The following RORA variants were observed in gnomAD, a reference collection of about 807,000 sequenced individuals.
RORA encodes the protein nuclear receptor ROR-alpha.
In RORA, 7 loss-of-function variants were observed where a neutral mutation model predicts 69.5. The ratio of observed to expected loss-of-function variants is 0.10; its 90% CI spans 0.06 to 0.19. The LOEUF is 0.19. RORA is among the 10% of genes least tolerant of loss of function. RORA has a pLI of 1.00. For synonymous variants in RORA, 261 were observed against 240.8 expected, an observed-to-expected ratio of 1.08 and a Z score of -0.78; for missense variants, 457 against 663.0, an observed-to-expected ratio of 0.69 and a Z score of 3.41.
chr15:61,015,028 A>C (rs1290214672), intron 1 of RORA, among the ~76,000 whole-genome samples: 1 of 152,180 alleles, frequency 6.6e-6, no homozygotes, highest in Non-Finnish European at 1.5e-5. Flanking sequence ...CAAGCACCGG[A>C]TCTCTCCTAT....
chr15:60,894,901 G>T (rs376420368), intron 1 of RORA, among the ~76,000 whole-genome samples: 1 of 152,222 alleles, frequency 6.6e-6, no homozygotes, highest in Middle Eastern at 3.4e-3. Flanking sequence ...AAATGAAATC[G>T]CACAGACACC....
intron 1 of RORA, among the ~76,000 whole-genome samples, chr15:60,888,505 T>C (rs533297129): frequency 6.6e-6 from 1 of 152,158 alleles, no homozygotes; most frequent in African/African-American, 2.4e-5. Flanking sequence ...AACACACACA[T>C]GCACACACAC....
chr15:60,546,073 T>C (rs1029735591), intron 2 of RORA, among the ~76,000 whole-genome samples: 1 of 152,214 alleles, frequency 6.6e-6, no homozygotes, highest in Non-Finnish European at 1.5e-5. Flanking sequence ...ACCTGCTACA[T>C]GCTTTCTCAC....
intron 1 of RORA, among the ~76,000 whole-genome samples, chr15:60,683,651 C>CACACACAT (rs1437668109): frequency 4.0e-5 from 6 of 150,554 alleles, no homozygotes; most frequent in African/African-American, 1.5e-4. Flanking sequence ...TACACATACA[C>CACACACAT]ACACACACAC....
At chr15:60,928,832 C>G (rs917402814) in intron 1 of RORA, among the ~76,000 whole-genome samples, 5 of 152,224 alleles carry the variant, frequency 3.3e-5, no homozygotes, top group African/African-American at 1.2e-4. Context: ...GCTCTAGGCA[C>G]AGGCTCCTCT....
intron 1 of RORA, among the ~76,000 whole-genome samples, chr15:60,801,347 A>T (rs2072578531): frequency 1.3e-5 from 2 of 152,214 alleles, no homozygotes; most frequent in African/African-American, 4.8e-5. Flanking sequence ...AGAATATTAT[A>T]TAAGGAACGA....
chr15:61,068,075 C>T (rs754039111), intron 1 of RORA, among the ~76,000 whole-genome samples: 5 of 152,160 alleles, frequency 3.3e-5, no homozygotes, highest in Non-Finnish European at 7.3e-5. Context: ...GGAGAAATGT[C>T]TGAAATGATT....
At chr15:60,655,536 A>T (rs1347241163) in intron 2 of RORA, among the ~76,000 whole-genome samples, 1 of 152,220 alleles carries the variant, frequency 6.6e-6, no homozygotes, top group Non-Finnish European at 1.5e-5. Context: ...ATTAGCAAAT[A>T]CCAGCACCTT....
In RORA at chr15:61,126,355, C is replaced by CT. The variant is rs950629821; in HGVS notation, c.166+102697dup. 5.3e-5 allele frequency among the ~76,000 whole-genome samples: 8 copies of CT among 152,214 alleles called. No homozygotes were observed. The South Asian group carries it at 6.2e-4, about 12-fold the overall frequency. The stretch of plus-strand genomic sequence containing the variant: ...TCAACATATCCATCAACTTACACAC[C>CT]TTTTTTTGTACTGAGAACATTTAAA... On this transcript the variant is annotated intron_variant, in intron 1 of 10. Transcript: ENST00000335670.
intron 1 of RORA, among the ~76,000 whole-genome samples, chr15:61,162,303 C>T (rs940528756): frequency 5.9e-5 from 9 of 152,310 alleles, no homozygotes; most frequent in Non-Finnish European, 1.0e-4. Context: ...ATCTGGTCCT[C>T]GGTCCTGGGT....
chr15:61,048,160 T>C (rs1024993316), intron 1 of RORA, among the ~76,000 whole-genome samples: 7 of 152,228 alleles, frequency 4.6e-5, no homozygotes, highest in African/African-American at 1.7e-4. Flanking sequence ...TTAAATTCTA[T>C]TTGAAACTAA....
chr15:60,883,370 A>G (rs2073713912), intron 1 of RORA, among the ~76,000 whole-genome samples: 2 of 152,212 alleles, frequency 1.3e-5, no homozygotes, highest in Non-Finnish European at 2.9e-5. Flanking sequence ...TGGCTTAATA[A>G]ATTATAGTTT....
At chr15:61,171,023 GA>G (rs1321568025) in intron 1 of RORA, among the ~76,000 whole-genome samples, 2 of 152,212 alleles carry the variant, frequency 1.3e-5, no homozygotes, top group African/African-American at 4.8e-5. Context: ...AATTTGGTCA[GA>G]TTGTTCAGCT....
chr15:61,138,708 C>T (rs915362822), intron 1 of RORA, among the ~76,000 whole-genome samples: 1 of 151,924 alleles, frequency 6.6e-6, no homozygotes, highest in Non-Finnish European at 1.5e-5. Flanking sequence ...ACGTCTGTGC[C>T]CCTCGGGACA....
intron 1 of RORA, among the ~76,000 whole-genome samples, chr15:60,695,858 G>A (rs2070896403): frequency 5.9e-5 from 9 of 151,986 alleles, no homozygotes; most frequent in Admixed American, 5.9e-4. Context: ...AGGCAAAAGT[G>A]ACTAATCAGA....
chr15:60,902,209 A>G (rs4774377), intron 1 of RORA, among the ~76,000 whole-genome samples: 61,957 of 151,946 alleles, frequency 0.41, 13,609 homozygotes, highest in Non-Finnish European at 0.49. Context: ...GTAGTGTCAT[A>G]TGGTCACCAG....
intron 1 of RORA, among the ~76,000 whole-genome samples, chr15:60,925,042 G>C (rs1460421831): frequency 6.6e-6 from 1 of 151,632 alleles, no homozygotes; most frequent in African/African-American, 2.4e-5. Flanking sequence ...TTGGGTCACT[G>C]CATTCCAGCC....
intron 1 of RORA, among the ~76,000 whole-genome samples, chr15:61,153,172 A>C (rs1400790227): frequency 6.6e-6 from 1 of 152,114 alleles, no homozygotes; most frequent in Non-Finnish European, 1.5e-5. Flanking sequence ...GAAGGAGAGG[A>C]TTCCGGAAAG....
chr15:60,563,188 T>C (rs920374923), intron 2 of RORA, among the ~76,000 whole-genome samples: 24 of 152,204 alleles, frequency 1.6e-4, no homozygotes, highest in African/African-American at 5.8e-4. Flanking sequence ...ATCCCTGCTA[T>C]TGAAAAAAAT....
Sources: gnomAD v4.1 joint callset for allele counts (sites outside exome capture counted in the v4.1 genomes callset) on GRCh38, gnomAD v4.1.1 for gene constraint, MANE v1.5 for transcripts, NCBI Gene and HGNC (gene_info 2026-07-23, HGNC 2026-07-21) for gene names.